The following SYK variants were observed in gnomAD, a reference collection of about 807,000 sequenced individuals.
SYK encodes spleen associated tyrosine kinase, also known as tyrosine-protein kinase SYK.
SYK carries 16 observed loss-of-function variants against 77.8 expected under a neutral mutation model. The observed-to-expected ratio is 0.21, with a 90% CI of 0.14 to 0.31. The LOEUF (loss-of-function observed/expected upper bound fraction) is 0.31, where lower values mean the gene tolerates loss of function less well. SYK is among the 10% of genes least tolerant of loss of function. The pLI, the probability that SYK is intolerant of heterozygous loss-of-function variation, is 1.00. For synonymous variants in SYK, 312 were observed against 308.7 expected (o/e 1.01, Z -0.11); for missense variants, 529 against 814.4 (o/e 0.65, Z 4.26).
chr9:90,808,215 C>T (rs1307232666), intron 1 of SYK, among the ~76,000 whole-genome samples: 1 of 152,200 alleles, frequency 6.6e-6, no homozygotes, highest in Non-Finnish European at 1.5e-5. Flanking sequence ...CCATCCTGTT[C>T]TTCAGTCCAT....
intron 3 of SYK, among the ~76,000 whole-genome samples, chr9:90,860,742 T>C (rs775816911): frequency 1.3e-5 from 2 of 152,118 alleles, no homozygotes; most frequent in East Asian, 3.9e-4. Context: ...AGCTTTCAAG[T>C]CTTGGGTTAG....
intron 1 of SYK, among the ~76,000 whole-genome samples, chr9:90,804,385 A>G (rs1824735054): frequency 6.6e-6 from 1 of 152,230 alleles, no homozygotes; most frequent in Non-Finnish European, 1.5e-5. Context: ...CAGTCTGTCC[A>G]TGGAAGAAAT....
At chr9:90,866,923 A>G (rs1054920762) in intron 6 of SYK, among the ~76,000 whole-genome samples, 9 of 152,224 alleles carry the variant, frequency 5.9e-5, no homozygotes, top group South Asian at 2.1e-4. Context: ...TTTCCCAAAT[A>G]TATTTCTAGA....
At chr9:90,888,465 A>T in intron 12 of SYK, 50 bp from the exon 13 acceptor site, 1 of 1,413,296 alleles carries the variant, frequency 7.1e-7, no homozygotes. Context: ...GTTTTGTTTG[A>T]CTAACACCTT....
Position 90,828,910 on chromosome 9 carries a change from A to G in SYK, c.-41-14948A>G, listed in dbSNP as rs1321567165. Among the ~76,000 whole-genome samples, 4 of 152,168 alleles carry G rather than the reference A, an allele frequency of 2.6e-5. No homozygotes were observed. In the East Asian group the frequency reaches 7.7e-4, roughly 29 times the overall value. On this transcript the variant is annotated intron_variant, in intron 1 of 13. Transcript: ENST00000375754. The stretch of plus-strand genomic sequence containing the variant: ...CTTTCGCTCACACTGAACGTGGTCA[A>G]CTTGCCTCCCTGTCACACTGTAGCA...
intron 1 of SYK, among the ~76,000 whole-genome samples, chr9:90,842,612 C>T (rs1462124564): frequency 2.1e-5 from 3 of 141,682 alleles, no homozygotes; most frequent in Non-Finnish European, 3.1e-5. Context: ...TAGTGTGTTT[C>T]GTGTGTGTGG....
Position 90,895,900 on chromosome 9 carries a change from T to G in SYK, c.*300T>G. Reference sequence around the variant, plus strand: ...ACGATCTGTTTCCAAATCCCTTTCATGTCTTTCCACTTCTCTGGGTCCCGG... The same window carrying G: ...ACGATCTGTTTCCAAATCCCTTTCAGGTCTTTCCACTTCTCTGGGTCCCGG... On this transcript the variant is annotated 3_prime_UTR_variant, in exon 14 of 14. Transcript: ENST00000375754. The surrounding 1 kb of genome is among the most constrained non-coding windows in gnomAD (Gnocchi z 4.4). 1 of 395,296 alleles carries G rather than the reference T, an allele frequency of 2.5e-6. No homozygotes were observed. The highest frequency in any genetic ancestry group is 4.8e-6 in the Non-Finnish European group (1 of 210,160). 24.5% of individuals were successfully genotyped at this position (395,296 alleles called of 1,614,324 possible).
At chr9:90,812,487 C>G (rs1825118420) in intron 1 of SYK, among the ~76,000 whole-genome samples, 3 of 152,142 alleles carry the variant, frequency 2.0e-5, no homozygotes, top group Admixed American at 2.0e-4. Context: ...CACTGGGGTG[C>G]TCTGGGGTGC....
chr9:90,817,882 T>TGTGTGTGTGTGTGAGA lies in SYK; in HGVS notation c.-42+15990_-42+15991insTGTGTGTGTGTGAGAG, dbSNP rs1302553724. Among the ~76,000 whole-genome samples the TGTGTGTGTGTGTGAGA allele has an allele frequency of 6.1e-4, 41 of 66,898 alleles. 1 individual carries two copies. Among genetic ancestry groups the TGTGTGTGTGTGTGAGA allele is most frequent in the African/African-American group, 9.1e-4 (17 of 18,580 alleles). 43.9% of individuals were successfully genotyped at this position (66,898 alleles called of 152,430 possible). On this transcript the variant is annotated intron_variant, in intron 1 of 13. Coordinates refer to ENST00000375754, the MANE Select transcript of SYK (RefSeq NM_003177.7). The stretch of plus-strand genomic sequence containing the variant: ...GTGTGTGTGTGTGTGTGTGTGTGTG[T>TGTGTGTGTGTGTGAGA]GAGAGAGAGAGAGAGAGAGAGAGAG...
Position 90,819,315 on chromosome 9 carries a change from A to G in SYK, c.-42+17422A>G, listed in dbSNP as rs118048049. Among the ~76,000 whole-genome samples the G allele has an allele frequency of 3.7e-4, 56 of 152,346 alleles. 1 individual carries two copies. The East Asian group carries it at 7.9e-3, about 21-fold the overall frequency. ...CTCACAATCACAGTCATTTATCTGTAATCCCCAAATCAATAACCATGATGC... is the reference window on the plus strand; with the variant it reads ...CTCACAATCACAGTCATTTATCTGTGATCCCCAAATCAATAACCATGATGC... On this transcript the variant is annotated intron_variant, in intron 1 of 13. Coordinates refer to ENST00000375754, the MANE Select transcript of SYK (RefSeq NM_003177.7).
intron 1 of SYK, among the ~76,000 whole-genome samples, chr9:90,822,974 G>T (rs1442483171): frequency 6.6e-6 from 1 of 152,238 alleles, no homozygotes; most frequent in African/African-American, 2.4e-5. Context: ...GCATGGGAGG[G>T]AAGAGTGATA....
intron 3 of SYK, among the ~76,000 whole-genome samples, chr9:90,860,540 G>T (rs146573289): frequency 2.6e-4 from 40 of 152,238 alleles, no homozygotes; most frequent in African/African-American, 9.4e-4. Flanking sequence ...CTGGCAACTC[G>T]GTTGGTTTGG....
At position 90,863,192 on chromosome 9, in the gene SYK, G is replaced by A. The variant is rs375704562; in HGVS notation, c.717+848G>A. The stretch of plus-strand genomic sequence containing the variant: ...AAGGAAATAACCGTAACAGTACTTC[G>A]TGCATCATCTTCGCAGAGCATCCTA... On this transcript the variant is annotated intron_variant, in intron 4 of 13. Coordinates refer to ENST00000375754, the MANE Select transcript of SYK (RefSeq NM_003177.7). Among the ~76,000 whole-genome samples, 9 of 152,268 alleles carry A rather than the reference G, an allele frequency of 5.9e-5. No individual in the cohort carries two copies. In the East Asian group the frequency reaches 7.7e-4, roughly 13 times the overall value.
At chr9:90,802,534 A>T (rs1238898372) in intron 1 of SYK, among the ~76,000 whole-genome samples, 4 of 152,180 alleles carry the variant, frequency 2.6e-5, no homozygotes, top group Non-Finnish European at 5.9e-5. Flanking sequence ...AGTTTTATGT[A>T]GTAAAATGTA....
intron 1 of SYK, among the ~76,000 whole-genome samples, chr9:90,813,743 C>T (rs1825183337): frequency 6.6e-6 from 1 of 152,168 alleles, no homozygotes; most frequent in Non-Finnish European, 1.5e-5. Context: ...GGTTCTTTTA[C>T]AAGCAAAAAG....
intron 1 of SYK, 156 bp downstream of exon 1, chr9:90,802,049 G>C (rs944038144): frequency 1.3e-5 from 2 of 152,332 alleles, no homozygotes; most frequent in African/African-American, 4.8e-5. Context: ...GGTGGGTTCC[G>C]CCAGCTTCGC....
In SYK at chr9:90,845,539, C is replaced by T. The variant is rs1564090254; in HGVS notation, c.523C>T (p.Arg175Trp). 3.1e-6 allele frequency: 5 copies of T among 1,614,184 alleles called. No homozygotes were observed. The highest frequency in any genetic ancestry group is 2.2e-5 in the East Asian group (1 of 44,882). ...GCCTTGGTTCCATGGAAAAATCTCT[C>T]GGGAAGAATCTGAGCAAATTGTCCT... is the stretch of plus-strand genomic sequence containing the variant. ...KMPWFHGKIS[R>W]EESEQIVLIG... is the part of the protein sequence containing the mutation. The change falls in exon 3 of 14, where the codon CGG becomes TGG. Residue 175 changes from arginine to tryptophan, a missense_variant. Coordinates refer to ENST00000375754, the MANE Select transcript of SYK (RefSeq NM_003177.7).
intron 1 of SYK, among the ~76,000 whole-genome samples, chr9:90,829,586 C>T (rs942910667): frequency 2.0e-5 from 3 of 152,212 alleles, no homozygotes; most frequent in Non-Finnish European, 2.9e-5. Context: ...GTGGAACTCT[C>T]GGACCAGATC....
intron 10 of SYK, 150 bp downstream of exon 10, chr9:90,877,930 G>C: frequency 1.4e-6 from 1 of 707,414 alleles, no homozygotes; most frequent in Non-Finnish European, 2.4e-6. Context: ...CCTTGACAGA[G>C]GGACAGGGAG....
Sources: allele counts gnomAD v4.1 joint callset (sites outside exome capture counted in the v4.1 genomes callset), GRCh38; gene constraint gnomAD v4.1.1; non-coding constraint Gnocchi (gnomAD v3.1); transcripts MANE v1.5; gene names NCBI Gene and HGNC (gene_info 2026-07-23, HGNC 2026-07-21).